KCNIP4: variants seen among roughly 807,000 people sequenced by gnomAD.
KCNIP4 encodes the protein Kv channel-interacting protein 4.
A neutral mutation model predicts 34.0 loss-of-function variants in KCNIP4; 12 were observed. The observed-to-expected ratio is 0.35, with a 90% CI of 0.23 to 0.57. The LOEUF is 0.57. KCNIP4 is among the 20% of genes least tolerant of loss of function. The pLI is 0.83. For missense variants in KCNIP4, 238 were observed against 311.7 expected (o/e 0.76, Z 1.78); for synonymous variants, 124 against 102.2 (o/e 1.21, Z -1.29).
At chr4:21,310,104 A>G (rs1361693464) in intron 1 of KCNIP4, among the ~76,000 whole-genome samples, 1 of 152,062 alleles carries the variant, frequency 6.6e-6, no homozygotes, top group Admixed American at 6.6e-5. Flanking sequence ...ATCTCAGCTC[A>G]TTGCAACTTC....
chr4:21,159,381 A>AT (rs1577808061), intron 1 of KCNIP4, among the ~76,000 whole-genome samples: 1 of 86,326 alleles, frequency 1.2e-5, no homozygotes, highest in South Asian at 3.2e-4. Flanking sequence ...TATACTAAAG[A>AT]TATGTTTGAG....
At chr4:21,507,996 G>A (rs926272657) in intron 1 of KCNIP4, among the ~76,000 whole-genome samples, 2 of 152,096 alleles carry the variant, frequency 1.3e-5, no homozygotes, top group Non-Finnish European at 2.9e-5. Flanking sequence ...AAGGCTTAGG[G>A]TGTTTAAATC....
chr4:20,741,855 C>T (rs964568703), intron 5 of KCNIP4, among the ~76,000 whole-genome samples: 1 of 152,078 alleles, frequency 6.6e-6, no homozygotes, highest in East Asian at 1.9e-4. Flanking sequence ...AGAGAAGAAT[C>T]AAATAGATGC....
intron 1 of KCNIP4, among the ~76,000 whole-genome samples, chr4:21,050,687 A>G (rs891444326): frequency 6.6e-6 from 1 of 152,246 alleles, no homozygotes; most frequent in Non-Finnish European, 1.5e-5. Context: ...CTGATTAAGA[A>G]TTAAGATTGA....
At chr4:20,847,895 G>A (rs935167309) in intron 3 of KCNIP4, among the ~76,000 whole-genome samples, 4 of 152,116 alleles carry the variant, frequency 2.6e-5, no homozygotes, top group African/African-American at 9.7e-5. Flanking sequence ...TGTTTCCAGG[G>A]AAATGAGTTT....
At chr4:20,888,337 T>C (rs1725543380) in intron 1 of KCNIP4, among the ~76,000 whole-genome samples, 1 of 152,192 alleles carries the variant, frequency 6.6e-6, no homozygotes, top group Non-Finnish European at 1.5e-5. Context: ...CACTATCTAC[T>C]GAAAGCATGA....
chr4:20,927,341 T>C (rs6846968), intron 1 of KCNIP4, among the ~76,000 whole-genome samples: 55,397 of 151,998 alleles, frequency 0.36, 11,384 homozygotes, highest in East Asian at 0.5. Flanking sequence ...AAATGGCCTT[T>C]ATCTGAGAAA....
intron 3 of KCNIP4, among the ~76,000 whole-genome samples, chr4:20,786,275 GA>G (rs1315810495): frequency 1.6e-4 from 25 of 152,040 alleles, no homozygotes; most frequent in African/African-American, 6.0e-4. Flanking sequence ...ATGAGAACAA[GA>G]GACACTAGGA....
chr4:20,789,863 A>G (rs1452634251), intron 3 of KCNIP4, among the ~76,000 whole-genome samples: 2 of 151,918 alleles, frequency 1.3e-5, no homozygotes, highest in African/African-American at 4.8e-5. Flanking sequence ...TTTAGTTCCT[A>G]TATATGGGAA....
intron 1 of KCNIP4, among the ~76,000 whole-genome samples, chr4:21,566,877 C>T (rs554908975): frequency 1.1e-4 from 17 of 152,046 alleles, no homozygotes; most frequent in African/African-American, 1.7e-4. Context: ...AATGCAGCCT[C>T]GCACACATAC....
At chr4:21,503,724 G>C (rs1391667720) in intron 1 of KCNIP4, among the ~76,000 whole-genome samples, 1 of 152,170 alleles carries the variant, frequency 6.6e-6, no homozygotes, top group Non-Finnish European at 1.5e-5. Flanking sequence ...AATGGTCATA[G>C]AGCAAGTGAG....
intron 1 of KCNIP4, among the ~76,000 whole-genome samples, chr4:21,073,580 A>C (rs1408072916): frequency 1.3e-5 from 2 of 152,202 alleles, no homozygotes; most frequent in Non-Finnish European, 2.9e-5. Context: ...TGTCATCTGC[A>C]AACAGGGACA....
chr4:20,896,146 C>T (rs1460605285), intron 1 of KCNIP4, among the ~76,000 whole-genome samples: 1 of 152,046 alleles, frequency 6.6e-6, no homozygotes, highest in Non-Finnish European at 1.5e-5. Flanking sequence ...GAGGAGCTGC[C>T]CCTTTCACAC....
intron 1 of KCNIP4, among the ~76,000 whole-genome samples, chr4:21,785,099 C>T (rs1391246237): frequency 2.6e-5 from 4 of 152,212 alleles, no homozygotes; most frequent in Middle Eastern, 3.4e-3. Flanking sequence ...TTAAGAATAG[C>T]GGTTTTTCAC....
At chr4:21,573,051 A>G (rs1740478453) in intron 1 of KCNIP4, among the ~76,000 whole-genome samples, 1 of 152,106 alleles carries the variant, frequency 6.6e-6, no homozygotes. Context: ...CTTAGGTATT[A>G]GTGTCCATCT....
intron 1 of KCNIP4, among the ~76,000 whole-genome samples, chr4:21,873,536 T>C (rs1725927312): frequency 1.3e-5 from 2 of 152,178 alleles, no homozygotes; most frequent in African/African-American, 4.8e-5. Flanking sequence ...TGGCACAAAA[T>C]AGTCACTGAG....
At chr4:21,205,865 T>C (rs963602827) in intron 1 of KCNIP4, among the ~76,000 whole-genome samples, 10 of 152,214 alleles carry the variant, frequency 6.6e-5, no homozygotes, top group Non-Finnish European at 1.3e-4. Context: ...CAAAGCCCTA[T>C]GGTTAATCAC....
intron 1 of KCNIP4, among the ~76,000 whole-genome samples, chr4:21,068,212 T>A (rs187294857): frequency 6.6e-6 from 1 of 152,270 alleles, no homozygotes; most frequent in Non-Finnish European, 1.5e-5. Context: ...CTTTTTCTGG[T>A]ACCACTCATG....
intron 1 of KCNIP4, among the ~76,000 whole-genome samples, chr4:21,909,336 T>TC (rs540764940): frequency 1.3e-5 from 2 of 151,990 alleles, no homozygotes; most frequent in Non-Finnish European, 2.9e-5. Flanking sequence ...CCCAGGCTTC[T>TC]CCCCCTGCCT....
Sources: gnomAD v4.1 joint callset for allele counts (sites outside exome capture counted in the v4.1 genomes callset) on GRCh38, gnomAD v4.1.1 for gene constraint, MANE v1.5 for transcripts, NCBI Gene and HGNC (gene_info 2026-07-23, HGNC 2026-07-21) for gene names.